The following ERG variants were observed in gnomAD, a reference collection of about 807,000 sequenced individuals.
ERG encodes ETS transcription factor ERG.
Under a neutral mutation model 55.3 loss-of-function variants are expected in ERG, and 9 were observed. That is an observed-to-expected ratio of 0.16 (90% CI 0.10 to 0.28). ERG has a LOEUF of 0.28. Among genes scored for constraint, ERG ranks in the 10% least tolerant of loss-of-function variants. The probability of loss-of-function intolerance (pLI) is 1.00; values close to 1 mark genes in which losing one functional copy is unlikely to be tolerated. For missense variants in ERG, 434 were observed against 631.6 expected, an observed-to-expected ratio of 0.69 and a Z score of 3.35; for synonymous variants, 223 against 237.3, an observed-to-expected ratio of 0.94 and a Z score of 0.55.
intron 1 of ERG, among the ~76,000 whole-genome samples, chr21:38,601,962 A>G (rs1448882957): frequency 6.6e-6 from 1 of 151,688 alleles, no homozygotes. Flanking sequence ...GCTCACTGCA[A>G]CCTCCACCTC....
At chr21:38,509,675 G>A (rs1385431796) in intron 2 of ERG, among the ~76,000 whole-genome samples, 2 of 151,946 alleles carry the variant, frequency 1.3e-5, no homozygotes, top group African/African-American at 4.8e-5. Flanking sequence ...CCCATTCTCT[G>A]GAAACATCTC....
At chr21:38,424,580 C>A (rs1369653778) in intron 2 of ERG, among the ~76,000 whole-genome samples, 1 of 152,176 alleles carries the variant, frequency 6.6e-6, no homozygotes, top group Non-Finnish European at 1.5e-5. Context: ...TTTGTTCTCG[C>A]GGTGTGACAG....
At chr21:38,492,881 CA>C (rs1367597228) in intron 1 of ERG, among the ~76,000 whole-genome samples, 2 of 151,868 alleles carry the variant, frequency 1.3e-5, no homozygotes, top group African/African-American at 4.8e-5. Flanking sequence ...AGCAAACAAA[CA>C]AAAAAATGTA....
chr21:38,466,541 C>T (rs905412127), intron 1 of ERG, among the ~76,000 whole-genome samples: 5 of 151,976 alleles, frequency 3.3e-5, no homozygotes, highest in Non-Finnish European at 5.9e-5. Flanking sequence ...GCTCATGATC[C>T]TGGAAGATAT....
intron 1 of ERG, among the ~76,000 whole-genome samples, chr21:38,615,848 G>C (rs1246427972): frequency 6.6e-6 from 1 of 152,012 alleles, no homozygotes; most frequent in African/African-American, 2.4e-5. Context: ...TGAATGCAGA[G>C]TTGAGAAGAG....
At chr21:38,500,059 T>C (rs1350733965), upstream of ERG, among the ~76,000 whole-genome samples, 1 of 152,116 alleles carries the variant, frequency 6.6e-6, no homozygotes, top group Non-Finnish European at 1.5e-5. Context: ...AATTTCAAAG[T>C]CCTGAGCTGT....
chr21:38,550,865 A>C (rs1309155410), intron 2 of ERG, among the ~76,000 whole-genome samples: 1 of 152,252 alleles, frequency 6.6e-6, no homozygotes, highest in Non-Finnish European at 1.5e-5. Flanking sequence ...CAGATAAATC[A>C]GCAAGGGTAG....
intron 7 of ERG, 109 bp from the exon 8 acceptor site, chr21:38,391,824 G>A: frequency 2.3e-6 from 2 of 875,126 alleles, no homozygotes; most frequent in Non-Finnish European, 3.6e-6. Context: ...TAACATAATA[G>A]TCTAACTCAG....
intron 2 of ERG, among the ~76,000 whole-genome samples, chr21:38,507,723 C>T (rs933090053): frequency 6.6e-6 from 1 of 152,182 alleles, no homozygotes; most frequent in Admixed American, 6.5e-5. Context: ...GGAACTGGGA[C>T]AGGCCCAGCC....
At chr21:38,617,122 C>A (rs1164700876) in intron 1 of ERG, among the ~76,000 whole-genome samples, 2 of 152,182 alleles carry the variant, frequency 1.3e-5, no homozygotes, top group Admixed American at 6.6e-5. Context: ...CATAATAATG[C>A]GGCTGTGTCT....
At chr21:38,528,409 T>C (rs1423575499) in intron 2 of ERG, among the ~76,000 whole-genome samples, 1 of 150,186 alleles carries the variant, frequency 6.7e-6, no homozygotes, top group Non-Finnish European at 1.5e-5. Context: ...TGTTTAGTAT[T>C]ATACATTAGG....
chr21:38,446,751 G>C (rs573976871), intron 1 of ERG, among the ~76,000 whole-genome samples: 1 of 152,188 alleles, frequency 6.6e-6, no homozygotes, highest in Non-Finnish European at 1.5e-5. Flanking sequence ...GGGCTGCGCA[G>C]ACCCTTCCAG....
chr21:38,459,708 T>G (rs1177421681), intron 1 of ERG, among the ~76,000 whole-genome samples: 1 of 152,172 alleles, frequency 6.6e-6, no homozygotes, highest in Non-Finnish European at 1.5e-5. Flanking sequence ...AAATCACACA[T>G]ATCTTCCAGG....
upstream of ERG, among the ~76,000 whole-genome samples, chr21:38,589,096 T>C (rs1441386671): frequency 6.6e-6 from 1 of 152,144 alleles, no homozygotes; most frequent in Non-Finnish European, 1.5e-5. Context: ...AAGAGAACCA[T>C]TCTCTACGCA....
chr21:38,375,143 G>A (rs978340270), downstream of ERG, among the ~76,000 whole-genome samples: 2 of 152,174 alleles, frequency 1.3e-5, no homozygotes, highest in Admixed American at 1.3e-4. Flanking sequence ...AAGGAAGGCT[G>A]AGTACTTGTT....
At chr21:38,624,367 G>T (rs563005120) in intron 1 of ERG, among the ~76,000 whole-genome samples, 5 of 152,174 alleles carry the variant, frequency 3.3e-5, no homozygotes, top group Non-Finnish European at 5.9e-5. Flanking sequence ...CCGAGATGAC[G>T]GGGTGATAGG....
At chr21:38,374,219 C>T in the ERG span, among the ~76,000 whole-genome samples, 1 of 152,228 alleles carries the variant, frequency 6.6e-6, no homozygotes. Context: ...CAGACCCTGA[C>T]CCAATGACAG....
intron 9 of ERG, 136 bp downstream of exon 9, chr21:38,390,859 A>C: frequency 1.4e-6 from 1 of 695,544 alleles, no homozygotes; most frequent in East Asian, 2.5e-5. Flanking sequence ...CTTTCCATTA[A>C]GGCAAATAAT....
chr21:38,412,794 T>C (rs1220021460), intron 3 of ERG, among the ~76,000 whole-genome samples: 2 of 152,178 alleles, frequency 1.3e-5, no homozygotes, highest in African/African-American at 2.4e-5. Context: ...TAAATCTTGG[T>C]TGGGGGAGAT....
Sources: allele counts gnomAD v4.1 joint callset (sites outside exome capture counted in the v4.1 genomes callset), GRCh38; gene constraint gnomAD v4.1.1; transcripts MANE v1.5; gene names NCBI Gene and HGNC (gene_info 2026-07-23, HGNC 2026-07-21).